The following HNRNPK variants were observed in gnomAD, a reference collection of about 807,000 sequenced individuals.
HNRNPK encodes dC-stretch binding protein.
Under a neutral mutation model 67.0 loss-of-function variants are expected in HNRNPK, and 7 were observed. That is an observed-to-expected ratio of 0.10 (90% CI 0.06 to 0.20). The LOEUF (loss-of-function observed/expected upper bound fraction) is 0.20, where lower values mean the gene tolerates loss of function less well. HNRNPK is among the 10% of genes least tolerant of loss of function. The pLI, the probability that HNRNPK is intolerant of heterozygous loss-of-function variation, is 1.00. For synonymous variants in HNRNPK, 213 were observed against 193.7 expected, an observed-to-expected ratio of 1.10 and a Z score of -0.83; for missense variants, 264 against 606.5, an observed-to-expected ratio of 0.44 and a Z score of 5.93.
At chr9:83,969,843 T>C (rs758496260) in intron 16 of HNRNPK, 2 of 611,330 alleles carry the variant, frequency 3.3e-6, no homozygotes, top group South Asian at 2.9e-5. Flanking sequence ...CACACAGAAC[T>C]AGGCCAACAT....
At chr9:83,977,327 AT>A (rs919672762) in intron 4 of HNRNPK, among the ~76,000 whole-genome samples, 11 of 152,238 alleles carry the variant, frequency 7.2e-5, no homozygotes, top group Non-Finnish European at 2.9e-5. Context: ...CTTTGGTAAA[AT>A]AAGTCAATTA....
At chr9:83,972,307 G>A (rs1956884279) in intron 10 of HNRNPK, 118 bp from the exon 11 acceptor site, 7 of 742,206 alleles carry the variant, frequency 9.4e-6, no homozygotes. Flanking sequence ...GGAGGTACTA[G>A]AGACAGAAAC....
chr9:83,970,702 G>T (rs758293796), intron 15 of HNRNPK, 35 bp downstream of exon 15: 1 of 1,224,210 alleles, frequency 8.2e-7, no homozygotes. Context: ...TCATAAAAGT[G>T]ATAAAATGTT....
chr9:83,968,944 GTT>G lies in HNRNPK; in HGVS notation c.*461_*462del, dbSNP rs1407459111. 6.1e-6 allele frequency: 1 copy of G among 164,594 alleles called. No individual in the cohort carries two copies. The highest frequency in any genetic ancestry group is 1.3e-5 in the Non-Finnish European group (1 of 76,506). The allele number at this position is 164,594 out of a possible 1,614,324, so 10.2% of individuals were successfully genotyped here. A position where few individuals can be genotyped will look rare whatever the true frequency, so the allele number is the denominator to read the frequency against. ...AAATTTATTTTAAAAATCATAAAAC[GTT>G]TCTTACAAAAGAGCATTACATTCTG... On this transcript the variant is annotated 3_prime_UTR_variant, in exon 17 of 17. Coordinates refer to ENST00000376263, the MANE Select transcript of HNRNPK (RefSeq NM_031263.4).
intron 10 of HNRNPK, among the ~76,000 whole-genome samples, chr9:83,972,553 C>A (rs1480857993): frequency 6.6e-6 from 1 of 152,196 alleles, no homozygotes; most frequent in Non-Finnish European, 1.5e-5. Context: ...GTAATCCATA[C>A]TGAGGCACCT....
At chr9:83,975,010 T>C (rs184599368) in intron 6 of HNRNPK, among the ~76,000 whole-genome samples, 1 of 152,316 alleles carries the variant, frequency 6.6e-6, no homozygotes, top group Admixed American at 6.5e-5. Flanking sequence ...AGGTTATGAA[T>C]ACCAGTTAGA....
chr9:83,974,631 A>T, intron 6 of HNRNPK, 42 bp from the exon 7 acceptor site: 3 of 1,427,038 alleles, frequency 2.1e-6, no homozygotes, highest in Non-Finnish European at 2.9e-6. Context: ...AAAAAGGTGG[A>T]AAAGAAAAAT....
At chr9:83,972,319 GGAA>G (rs1307020813) in intron 10 of HNRNPK, 130 bp from the exon 11 acceptor site, 1 of 676,884 alleles carries the variant, frequency 1.5e-6, no homozygotes, top group East Asian at 3.0e-5. Flanking sequence ...GACAGAAACA[GGAA>G]TTATGTCAAC....
intron 14 of HNRNPK, 33 bp downstream of exon 14, chr9:83,970,863 AT>A: frequency 6.2e-7 from 1 of 1,610,148 alleles, no homozygotes; most frequent in Non-Finnish European, 8.5e-7. Context: ...AAAGTATGAA[AT>A]TAATGTTTGA....
chr9:83,974,695 G>C, intron 6 of HNRNPK, 106 bp from the exon 7 acceptor site: 1 of 708,356 alleles, frequency 1.4e-6, no homozygotes, highest in Non-Finnish European at 2.4e-6. Flanking sequence ...TGTAACACAT[G>C]ATTATTTAAT....
Position 83,972,067 on chromosome 9 carries a change from C to T in HNRNPK, c.768G>A (p.Arg256=). 6.2e-7 allele frequency: 1 copy of T among 1,613,972 alleles called. No individual in the cohort carries two copies. Among genetic ancestry groups the T allele is most frequent in the South Asian group, 1.1e-5 (1 of 91,072 alleles). Residue 256 remains arginine, a synonymous_variant, in exon 11 of 17, where the codon CGG becomes CGA. Coordinates refer to ENST00000376263, the MANE Select transcript of HNRNPK (RefSeq NM_031263.4). The part of the protein sequence containing the change: ...RRGRPVGFPM[R]GRGGFDRMPP... ...GCATTCTGTCAAAACCACCTCTTCC[C>T]CGCATGGGAAATCCCACTGGGCGTC...
chr9:83,969,396 A>C lies in HNRNPK; in HGVS notation c.*11T>G, dbSNP rs1180978547. The C allele has an allele frequency of 1.3e-6, 2 of 1,560,682 alleles. No individual in the cohort carries two copies. Among genetic ancestry groups the C allele is most frequent in the East Asian group, 2.2e-5 (1 of 44,644 alleles). On this transcript the variant is annotated 3_prime_UTR_variant, in exon 17 of 17. Transcript: ENST00000376263. ...CTGCTTCACACTATAAAAAAGAAAA[A>C]ATATCTTGCATTAGAATCCTTCAAC...
At chr9:83,973,156 AT>A (rs767474493) in intron 9 of HNRNPK, 129 bp downstream of exon 9, 3 of 755,262 alleles carry the variant, frequency 4.0e-6, no homozygotes, top group African/African-American at 3.5e-5. Flanking sequence ...AGTGCCAGAC[AT>A]TTTTTGTCAT....
At chr9:83,977,150 G>GT in intron 4 of HNRNPK, 99 bp from the exon 5 acceptor site, 1 of 772,100 alleles carries the variant, frequency 1.3e-6, no homozygotes, top group Non-Finnish European at 2.2e-6. Context: ...TAACCTGTTT[G>GT]TTATAAGAAT....
At chr9:83,978,347 A>G in intron 2 of HNRNPK, 26 bp downstream of exon 2, 3 of 1,547,304 alleles carry the variant, frequency 1.9e-6, no homozygotes, top group Non-Finnish European at 2.6e-6. Context: ...AAAAAAAAAA[A>G]AAAAGACATT....
At position 83,976,943 on chromosome 9, in the gene HNRNPK, A is replaced by T. The variant is rs1957093537; in HGVS notation, c.213+52T>A. 4.1e-6 allele frequency: 4 copies of T among 978,432 alleles called. No homozygotes were observed. In the South Asian group the frequency reaches 4.6e-5, roughly 11 times the overall value. The allele number at this position is 978,432 out of a possible 1,614,324, so 60.6% of individuals were successfully genotyped here. On this transcript the variant is annotated intron_variant, in intron 5 of 16. Transcript: ENST00000376263. ...AGGATGTAAATCTTTAAATTTCTAT[A>T]GACATATAAACTGAAGCTGCTCGTG...
At chr9:83,977,192 G>C (rs1045170729) in intron 4 of HNRNPK, 141 bp from the exon 5 acceptor site, 1 of 629,952 alleles carries the variant, frequency 1.6e-6, no homozygotes, top group Non-Finnish European at 2.8e-6. Context: ...AAAACGACCA[G>C]GCCAAAACCA....
chr9:83,969,308 A>T lies in HNRNPK; in HGVS notation c.*99T>A, dbSNP rs778982610. 16 of 330,872 alleles carry T rather than the reference A, an allele frequency of 4.8e-5. No homozygotes were observed. Among genetic ancestry groups the T allele is most frequent in the South Asian group, 1.3e-4 (3 of 22,344 alleles). The allele number at this position is 330,872 out of a possible 1,614,324, so 20.5% of individuals were successfully genotyped here. ...GTTGGCTTTTTAAACAGAAGCAGAT[A>T]AAAAAAAAAAGATGCAGGACTCCTT... On this transcript the variant is annotated 3_prime_UTR_variant, in exon 17 of 17. Transcript: ENST00000376263.
At chr9:83,977,403 A>C (rs1203747696) in intron 4 of HNRNPK, among the ~76,000 whole-genome samples, 1 of 152,208 alleles carries the variant, frequency 6.6e-6, no homozygotes, top group African/African-American at 2.4e-5. Context: ...CCAACCAAGC[A>C]GTTTCCTAAG....
Sources: allele counts gnomAD v4.1 joint callset (sites outside exome capture counted in the v4.1 genomes callset), GRCh38; gene constraint gnomAD v4.1.1; transcripts MANE v1.5; gene names NCBI Gene and HGNC (gene_info 2026-07-23, HGNC 2026-07-21).